Variants in BCAS3 observed in about 807,000 individuals in gnomAD.
The protein encoded by BCAS3 is BCAS3 microtubule associated cell migration factor, also known as BCAS4/BCAS3 fusion.
A neutral mutation model predicts 116.1 loss-of-function variants in BCAS3; 53 were observed. That is an observed-to-expected ratio of 0.46 (90% confidence interval 0.37 to 0.57). BCAS3 has a LOEUF of 0.57. Among genes scored for constraint, BCAS3 ranks in the 20% least tolerant of loss-of-function variants. The pLI is 0.00. For missense variants in BCAS3, 917 were observed against 1,165.4 expected (o/e 0.79, Z 3.10); for synonymous variants, 391 against 408.2 (o/e 0.96, Z 0.51).
chr17:61,293,265 C>T (rs1266024224), intron 22 of BCAS3, among the ~76,000 whole-genome samples: 2 of 152,110 alleles, frequency 1.3e-5, no homozygotes, highest in Admixed American at 6.5e-5. Flanking sequence ...ATAGTTTCAT[C>T]TTTAGAAGGG....
rs1342172484 is a variant in BCAS3 at position 61,300,392 on chromosome 17, C to G, written c.2426-67935C>G. Among the ~76,000 whole-genome samples, 2 of 152,120 alleles carry G rather than the reference C, an allele frequency of 1.3e-5. No individual in the cohort carries two copies. Among genetic ancestry groups the G allele is most frequent in the African/African-American group, 4.8e-5 (2 of 41,400 alleles). ...GTTTTCTAAAGAGAAAACTTGCTCC[C>G]TAAGCTCCCAGAAGGCATTACTCAG... On this transcript the variant is annotated intron_variant, in intron 22 of 23. Coordinates refer to ENST00000407086, the MANE Select transcript of BCAS3 (RefSeq NM_017679.5). This position sits in a 1 kb window ranked among gnomAD's most constrained non-coding sequence, Gnocchi z 5.1.
At chr17:61,386,789 GTTTTTTGTT>G (rs1444633660) in intron 23 of BCAS3, among the ~76,000 whole-genome samples, 31 of 120,964 alleles carry the variant, frequency 2.6e-4, no homozygotes, top group South Asian at 1.3e-3. Flanking sequence ...TTTTGTTTTT[GTTTTTTGTT>G]TTTTTTTTTT....
chr17:60,922,683 A>G (rs1042430046), intron 12 of BCAS3, among the ~76,000 whole-genome samples: 4 of 152,242 alleles, frequency 2.6e-5, no homozygotes, highest in African/African-American at 7.2e-5. Context: ...TTCATTGTAC[A>G]TGATAGAACA....
In BCAS3 at chr17:61,084,267, G is replaced by T. The variant is rs924053210; in HGVS notation, c.2328-200G>T. On this transcript the variant is annotated intron_variant, in intron 21 of 23. Coordinates refer to ENST00000407086, the MANE Select transcript of BCAS3 (RefSeq NM_017679.5). The surrounding 1 kb of genome is among the most constrained non-coding windows in gnomAD (Gnocchi z 5.5). The stretch of plus-strand genomic sequence containing the variant: ...AACACACAAAGATAAGTTAGAAGGG[G>T]TCCAGAGTGTAGAGAATATTTGTAG... 6.6e-6 allele frequency among the ~76,000 whole-genome samples: 1 copy of T among 152,130 alleles called. No individual in the cohort carries two copies. Among genetic ancestry groups the T allele is most frequent in the Admixed American group, 6.5e-5 (1 of 15,268 alleles).
chr17:60,863,298 A>G (rs2054307881), intron 7 of BCAS3, among the ~76,000 whole-genome samples: 1 of 152,132 alleles, frequency 6.6e-6, no homozygotes, highest in Middle Eastern at 3.2e-3. Flanking sequence ...TATCCTGACT[A>G]TTGCAGCTTT....
Position 61,027,919 on chromosome 17 carries a change from C to G in BCAS3, c.1638-6747C>G, listed in dbSNP as rs745389910. ...GAAAAATACCGTGTTTCAAAAGAAGCTTATTTAAATTAGATTATGTTTTTC... is the reference window on the plus strand; with the variant it reads ...GAAAAATACCGTGTTTCAAAAGAAGGTTATTTAAATTAGATTATGTTTTTC... On this transcript the variant is annotated intron_variant, in intron 16 of 23. Transcript: ENST00000407086. Among the ~76,000 whole-genome samples the G allele has an allele frequency of 2.5e-4, 38 of 151,706 alleles. 1 individual carries two copies. Among genetic ancestry groups the G allele is most frequent in the Non-Finnish European group, 4.7e-4 (32 of 67,748 alleles).
At position 60,834,433 on chromosome 17, in the gene BCAS3, GCTTTA is replaced by G. The variant is rs1196470877; in HGVS notation, c.476+26361_476+26365del. On this transcript the variant is annotated intron_variant, in intron 7 of 23. Coordinates refer to ENST00000407086, the MANE Select transcript of BCAS3 (RefSeq NM_017679.5). ...CTTTAAGCATAATCTATTAATTTTG[GCTTTA>G]CTTCATTTCTCAGCATGTCTCAAAT... 2.6e-5 allele frequency among the ~76,000 whole-genome samples: 4 copies of G among 151,972 alleles called. No homozygotes were observed. In the East Asian group the frequency reaches 7.7e-4, roughly 29 times the overall value.
intron 4 of BCAS3, among the ~76,000 whole-genome samples, chr17:60,703,315 G>A (rs1354375209): frequency 6.6e-6 from 1 of 151,940 alleles, no homozygotes; most frequent in African/African-American, 2.4e-5. Flanking sequence ...TAGGCCAGGC[G>A]CGGTGGCTCA....
chr17:61,289,095 G>C (rs1159452656), intron 22 of BCAS3, among the ~76,000 whole-genome samples: 1 of 152,208 alleles, frequency 6.6e-6, no homozygotes, highest in African/African-American at 2.4e-5. Context: ...GGAACAACTT[G>C]TTTCAGACTC....
Position 61,204,035 on chromosome 17 carries a change from G to A in BCAS3, c.2425+119471G>A, listed in dbSNP as rs374416064. Among the ~76,000 whole-genome samples the A allele has an allele frequency of 6.6e-6, 1 of 152,230 alleles. No homozygotes were observed. The highest frequency in any genetic ancestry group is 1.5e-5 in the Non-Finnish European group (1 of 68,014). On this transcript the variant is annotated intron_variant, in intron 22 of 23. Transcript: ENST00000407086. The surrounding 1 kb of genome is among the most constrained non-coding windows in gnomAD (Gnocchi z 4.2). ...GTTGTTCAGCCTGGTGACCCTAGCC[G>A]CCTGTGATTTACTAACTGTTTTACA... is the stretch of plus-strand genomic sequence containing the variant.
chr17:60,918,936 A>G (rs1599678649), intron 12 of BCAS3, among the ~76,000 whole-genome samples: 1 of 151,316 alleles, frequency 6.6e-6, no homozygotes, highest in Non-Finnish European at 1.5e-5. Context: ...CTCGTGATCC[A>G]CCCGCCTCAG....
chr17:61,176,525 CTATT>C (rs139505219), intron 22 of BCAS3, among the ~76,000 whole-genome samples: 37,441 of 145,376 alleles, frequency 0.26, 5,114 homozygotes, highest in African/African-American at 0.34. Context: ...TGTGTAATGT[CTATT>C]TATTTATTTA....
At chr17:60,798,677 CT>C (rs2047430473) in intron 6 of BCAS3, among the ~76,000 whole-genome samples, 1 of 152,082 alleles carries the variant, frequency 6.6e-6, no homozygotes, top group African/African-American at 2.4e-5. Context: ...GGACAAACGT[CT>C]TCAGTTCATT....
In BCAS3 at chr17:61,196,836, A is replaced by G. The variant is rs1177618722; in HGVS notation, c.2425+112272A>G. ...ACAGAAAGCATATATGCTCTAAAGT[A>G]TAGTTTATATATAATGTCATGGTTA... On this transcript the variant is annotated intron_variant, in intron 22 of 23. Coordinates refer to ENST00000407086, the MANE Select transcript of BCAS3 (RefSeq NM_017679.5). This position sits in a 1 kb window ranked among gnomAD's most constrained non-coding sequence, Gnocchi z 4.7. Among the ~76,000 whole-genome samples the G allele has an allele frequency of 6.6e-6, 1 of 152,240 alleles. No homozygotes were observed. The highest frequency in any genetic ancestry group is 1.5e-5 in the Non-Finnish European group (1 of 68,046).
At chr17:61,027,135 C>A (rs1047970802) in intron 16 of BCAS3, among the ~76,000 whole-genome samples, 8 of 148,860 alleles carry the variant, frequency 5.4e-5, no homozygotes, top group South Asian at 2.1e-4. Flanking sequence ...AAAAAAAAAA[C>A]CACAGATGAA....
At chr17:60,761,560 A>G (rs1045653154) in intron 6 of BCAS3, among the ~76,000 whole-genome samples, 1 of 152,182 alleles carries the variant, frequency 6.6e-6, no homozygotes, top group Non-Finnish European at 1.5e-5. Context: ...GCTGCATACT[A>G]TTCCATGGTG....
chr17:61,254,544 C>T (rs1038029670), intron 22 of BCAS3, among the ~76,000 whole-genome samples: 9 of 151,840 alleles, frequency 5.9e-5, no homozygotes, highest in East Asian at 5.8e-4. Flanking sequence ...TTTGGGAGGC[C>T]GTGGCGGGCG....
intron 9 of BCAS3, among the ~76,000 whole-genome samples, chr17:60,879,580 A>C (rs186033954): frequency 6.6e-6 from 1 of 152,370 alleles, no homozygotes; most frequent in Admixed American, 6.5e-5. Flanking sequence ...CAAAAGACAA[A>C]GACCGATAGA....
chr17:61,329,103 C>T (rs1488618668), intron 22 of BCAS3, among the ~76,000 whole-genome samples: 10 of 150,970 alleles, frequency 6.6e-5, no homozygotes, highest in Non-Finnish European at 1.2e-4. Flanking sequence ...ACCATGTTGG[C>T]CAGGCTGGTC....
Sources: allele counts gnomAD v4.1 joint callset (sites outside exome capture counted in the v4.1 genomes callset), GRCh38; gene constraint gnomAD v4.1.1; non-coding constraint Gnocchi (gnomAD v3.1); transcripts MANE v1.5; gene names NCBI Gene and HGNC (gene_info 2026-07-23, HGNC 2026-07-21).